Variants in FIP1L1 observed in about 807,000 individuals in gnomAD.
FIP1L1 encodes factor interacting with PAPOLA and CPSF1, also known as pre-mRNA 3'-end-processing factor FIP1.
In FIP1L1, 21 loss-of-function variants were observed where a neutral mutation model predicts 84.6. That is an observed-to-expected ratio of 0.25 (90% CI 0.18 to 0.36). FIP1L1 has a LOEUF of 0.36. FIP1L1 is among the 10% of genes least tolerant of loss of function. FIP1L1 has a pLI of 1.00. For synonymous variants in FIP1L1, 263 were observed against 242.3 expected (o/e 1.09, Z -0.80); for missense variants, 526 against 751.1 (o/e 0.70, Z 3.50).
Position 53,459,922 on chromosome 4 carries a change from ACATTT to A in FIP1L1, c.*474_*478del, listed in dbSNP as rs1721514457. 1 of 219,286 alleles carries A rather than the reference ACATTT, an allele frequency of 4.6e-6. No homozygotes were observed. Among genetic ancestry groups the A allele is most frequent in the Non-Finnish European group, 9.2e-6 (1 of 109,248 alleles). The allele number at this position is 219,286 out of a possible 1,614,324, so 13.6% of individuals were successfully genotyped here. On this transcript the variant is annotated 3_prime_UTR_variant, in exon 18 of 18. Transcript: ENST00000337488. The stretch of plus-strand genomic sequence containing the variant: ...TTGCTTAGTATATTAAGAGACTCAT[ACATTT>A]TTGATATCACAACTTTTTGATGGCT...
intron 11 of FIP1L1, among the ~76,000 whole-genome samples, chr4:53,417,266 T>G (rs553893167): frequency 6.6e-6 from 1 of 152,288 alleles, no homozygotes; most frequent in Admixed American, 6.5e-5. Context: ...ACCCTTCACT[T>G]TAACTTTGTA....
intron 10 of FIP1L1, among the ~76,000 whole-genome samples, chr4:53,407,067 G>A (rs1349786611): frequency 6.6e-6 from 1 of 152,054 alleles, no homozygotes; most frequent in Non-Finnish European, 1.5e-5. Context: ...GAATGTGTTT[G>A]CTCTTGCTTC....
intron 9 of FIP1L1, among the ~76,000 whole-genome samples, chr4:53,392,785 AC>A (rs1578225093): frequency 6.6e-6 from 1 of 152,202 alleles, no homozygotes; most frequent in African/African-American, 2.4e-5. Context: ...TATTTTATAT[AC>A]ATACTGTGTA....
intron 13 of FIP1L1, among the ~76,000 whole-genome samples, chr4:53,428,628 A>T (rs150808870): frequency 7.2e-5 from 11 of 152,262 alleles, no homozygotes; most frequent in African/African-American, 2.6e-4. Context: ...CTTTTAGGAG[A>T]CTGCTACTGG....
intron 13 of FIP1L1, among the ~76,000 whole-genome samples, chr4:53,437,489 G>T (rs1410055878): frequency 6.6e-6 from 1 of 151,930 alleles, no homozygotes; most frequent in Non-Finnish European, 1.5e-5. Context: ...AAATTGCTCA[G>T]CAGTGAAATT....
intron 9 of FIP1L1, among the ~76,000 whole-genome samples, chr4:53,396,010 C>G (rs1747083094): frequency 6.6e-6 from 1 of 151,934 alleles, no homozygotes; most frequent in Non-Finnish European, 1.5e-5. Flanking sequence ...CCTCTACCTC[C>G]TGGGTTCAAG....
chr4:53,428,725 G>A (rs1415451823), intron 13 of FIP1L1, among the ~76,000 whole-genome samples: 1 of 152,112 alleles, frequency 6.6e-6, no homozygotes, highest in African/African-American at 2.4e-5. Flanking sequence ...CCAGGTTAGT[G>A]GTGATAGAGA....
Position 53,377,787 on chromosome 4 carries a change from G to A in FIP1L1, c.-52G>A. ...GCCTCGGGGCTGCGAGGCTGGGGAA[G>A]GGGTTGGAGGGGGCTGTTGATCGCC... On this transcript the variant is annotated 5_prime_UTR_variant, in exon 1 of 18. Transcript: ENST00000337488. 2.1e-6 allele frequency: 3 copies of A among 1,458,688 alleles called. No individual in the cohort carries two copies. The Admixed American group carries it at 7.5e-5, about 36-fold the overall frequency. The allele number at this position is 1,458,688 out of a possible 1,614,324, so 90.4% of individuals were successfully genotyped here.
intron 16 of FIP1L1, among the ~76,000 whole-genome samples, chr4:53,457,545 G>T (rs1719913287): frequency 6.6e-6 from 1 of 151,976 alleles, no homozygotes; most frequent in African/African-American, 2.4e-5. Flanking sequence ...CATTACTTTT[G>T]CTAGAACACA....
chr4:53,442,327 C>T (rs1772301216), intron 13 of FIP1L1: 1 of 203,004 alleles, frequency 4.9e-6, no homozygotes, highest in Non-Finnish European at 9.9e-6. Context: ...TATCTGGTGG[C>T]TACTGTTTTA....
chr4:53,390,655 T>C, intron 7 of FIP1L1, 27 bp downstream of exon 7: 1 of 1,467,328 alleles, frequency 6.8e-7, no homozygotes, highest in Non-Finnish European at 9.3e-7. Context: ...TTATATTAAT[T>C]TCAATATTTT....
At chr4:53,457,229 G>A (rs1372719013) in intron 16 of FIP1L1, among the ~76,000 whole-genome samples, 3 of 151,936 alleles carry the variant, frequency 2.0e-5, no homozygotes, top group Non-Finnish European at 4.4e-5. Context: ...TAATAGCCTC[G>A]GTCACTCATT....
chr4:53,394,810 A>G (rs1006332580), intron 9 of FIP1L1, among the ~76,000 whole-genome samples: 27 of 151,950 alleles, frequency 1.8e-4, no homozygotes, highest in African/African-American at 6.5e-4. Flanking sequence ...TTTTATAAAT[A>G]TAATTTAAAA....
chr4:53,384,418 A>G (rs1291208500), intron 5 of FIP1L1, among the ~76,000 whole-genome samples: 3 of 142,420 alleles, frequency 2.1e-5, no homozygotes, highest in East Asian at 2.0e-4. Flanking sequence ...CGAGAAAAAG[A>G]AAAAAAAAAA....
intron 11 of FIP1L1, among the ~76,000 whole-genome samples, chr4:53,423,868 A>G (rs943830903): frequency 6.6e-6 from 1 of 152,220 alleles, no homozygotes; most frequent in African/African-American, 2.4e-5. Flanking sequence ...TTCTGACCAT[A>G]TTTAAGGTAC....
intron 13 of FIP1L1, among the ~76,000 whole-genome samples, chr4:53,438,741 A>T (rs1264628006): frequency 4.6e-5 from 7 of 152,164 alleles, no homozygotes; most frequent in Non-Finnish European, 1.0e-4. Flanking sequence ...AATGTACTTA[A>T]TTCTTTGGTC....
intron 11 of FIP1L1, among the ~76,000 whole-genome samples, chr4:53,419,216 T>C (rs1761111901): frequency 6.6e-6 from 1 of 152,184 alleles, no homozygotes; most frequent in African/African-American, 2.4e-5. Flanking sequence ...TTTGGGCTTA[T>C]TTCACCTTTA....
Position 53,442,696 on chromosome 4 carries a change from A to C in FIP1L1, c.1218A>C (p.Pro406=), listed in dbSNP as rs1241300508. The C allele has an allele frequency of 1.9e-6, 3 of 1,597,084 alleles. No individual in the cohort carries two copies. The highest frequency in any genetic ancestry group is 1.3e-5 in the African/African-American group (1 of 74,582). ...PPGAPPPSLI[P]TIESGHSSGY... ...GCGCTCCACCTCCATCTCTTATACC[A>C]ACAATAGAAAGGTAAATCAGTATGG... is the stretch of plus-strand genomic sequence containing the variant. The change falls in exon 14 of 18, where the codon CCA becomes CCC. Residue 406 remains proline, a synonymous_variant. Coordinates refer to ENST00000337488, the MANE Select transcript of FIP1L1 (RefSeq NM_030917.4).
At chr4:53,407,759 T>A (rs1754520777) in intron 10 of FIP1L1, among the ~76,000 whole-genome samples, 2 of 152,244 alleles carry the variant, frequency 1.3e-5, no homozygotes, top group Admixed American at 1.3e-4. Flanking sequence ...TGGCCTTCTT[T>A]GTCTCTTTTG....
Sources: allele counts gnomAD v4.1 joint callset (sites outside exome capture counted in the v4.1 genomes callset), GRCh38; gene constraint gnomAD v4.1.1; transcripts MANE v1.5; gene names NCBI Gene and HGNC (gene_info 2026-07-23, HGNC 2026-07-21).